Variants in GRM7 observed in about 807,000 individuals in gnomAD.
The protein encoded by GRM7 is glutamate metabotropic receptor 7.
Under a neutral mutation model 84.5 loss-of-function variants are expected in GRM7, and 35 were observed. The observed-to-expected ratio is 0.41, with a 90% confidence interval of 0.32 to 0.55. GRM7 has a LOEUF of 0.55. Among genes scored for constraint, GRM7 ranks in the 20% least tolerant of loss-of-function variants. The pLI, the probability that GRM7 is intolerant of heterozygous loss-of-function variation, is 0.19. For missense variants in GRM7, 1,003 were observed against 1,194.6 expected (o/e 0.84, Z 2.36); for synonymous variants, 487 against 455.1 (o/e 1.07, Z -0.89).
At chr3:7,069,029 A>G (rs954946729) in intron 1 of GRM7, among the ~76,000 whole-genome samples, 5 of 151,076 alleles carry the variant, frequency 3.3e-5, no homozygotes, top group East Asian at 1.9e-4. Flanking sequence ...GCTTGTTCTC[A>G]TTATATATAC....
intron 2 of GRM7, among the ~76,000 whole-genome samples, chr3:7,190,818 G>A (rs968207437): frequency 6.6e-6 from 1 of 152,042 alleles, no homozygotes; most frequent in Non-Finnish European, 1.5e-5. Flanking sequence ...AACAGCAGGT[G>A]CCCCTCTTGG....
intron 2 of GRM7, among the ~76,000 whole-genome samples, chr3:7,258,752 T>C (rs2124953295): frequency 6.6e-6 from 1 of 152,340 alleles, no homozygotes; most frequent in South Asian, 2.1e-4. Flanking sequence ...ATCATCTCCT[T>C]CTGATTTGTT....
At chr3:7,249,779 A>T (rs983789091) in intron 2 of GRM7, among the ~76,000 whole-genome samples, 2 of 152,174 alleles carry the variant, frequency 1.3e-5, no homozygotes, top group Non-Finnish European at 2.9e-5. Flanking sequence ...CATGTGAGAG[A>T]GACCAAAAAT....
chr3:7,600,296 C>T (rs1696252976), intron 8 of GRM7, among the ~76,000 whole-genome samples: 1 of 151,990 alleles, frequency 6.6e-6, no homozygotes, highest in Admixed American at 6.6e-5. Flanking sequence ...TTTTCTTTAT[C>T]ACAGAGAAAT....
chr3:6,877,834 C>T (rs1695369438), intron 1 of GRM7, among the ~76,000 whole-genome samples: 1 of 151,274 alleles, frequency 6.6e-6, no homozygotes, highest in Admixed American at 6.6e-5. Flanking sequence ...CACACACACA[C>T]ACACACACAC....
chr3:7,717,154 A>AT (rs1205416011), intron 9 of GRM7, among the ~76,000 whole-genome samples: 1 of 152,004 alleles, frequency 6.6e-6, no homozygotes, highest in Non-Finnish European at 1.5e-5. Flanking sequence ...CAAAATGGTG[A>AT]TTTTGACACA....
intron 8 of GRM7, among the ~76,000 whole-genome samples, chr3:7,653,717 A>T (rs1699058521): frequency 1.3e-5 from 2 of 152,340 alleles, no homozygotes; most frequent in Non-Finnish European, 2.9e-5. Context: ...CATGTTCCAA[A>T]GAAAGGCATT....
chr3:7,499,008 T>G (rs1486116292), intron 7 of GRM7, among the ~76,000 whole-genome samples: 1 of 152,104 alleles, frequency 6.6e-6, no homozygotes, highest in East Asian at 1.9e-4. Context: ...TGCCCTAAAT[T>G]TGGGAGTTGA....
rs1195921197 is a variant in GRM7 at position 7,741,006 on chromosome 3, T to G, written c.*600T>G. Reference sequence around the variant, plus strand: ...GATTATAGTACCACTGCACATCATGTTTTTTTTTTTAAGACAAAAAAGATG... The same window carrying G: ...GATTATAGTACCACTGCACATCATGGTTTTTTTTTTAAGACAAAAAAGATG... On this transcript the variant is annotated 3_prime_UTR_variant, in exon 10 of 10. Transcript: ENST00000357716. 2 of 93,438 alleles carry G rather than the reference T, an allele frequency of 2.1e-5. No homozygotes were observed. The highest frequency in any genetic ancestry group is 2.1e-4 in the East Asian group (1 of 4,822). The allele number at this position is 93,438 out of a possible 1,614,324, so 5.8% of individuals were successfully genotyped here. A position where few individuals can be genotyped will look rare whatever the true frequency, so the allele number is the denominator to read the frequency against.
chr3:6,948,137 A>G (rs1285296376), intron 1 of GRM7, among the ~76,000 whole-genome samples: 1 of 150,984 alleles, frequency 6.6e-6, no homozygotes, highest in African/African-American at 2.4e-5. Flanking sequence ...AGTTCTTTTA[A>G]TTGTGATGTT....
chr3:6,940,336 C>T (rs181386583), intron 1 of GRM7, among the ~76,000 whole-genome samples: 22 of 152,218 alleles, frequency 1.4e-4, no homozygotes, highest in African/African-American at 5.1e-4. Flanking sequence ...ATTATCTGCC[C>T]ATCTCGGCCT....
chr3:7,474,538 CATAA>C lies in GRM7; in HGVS notation c.1515+12819_1515+12822del, dbSNP rs539927299. 2.0e-5 allele frequency among the ~76,000 whole-genome samples: 3 copies of C among 151,958 alleles called. No individual in the cohort carries two copies. In the East Asian group the frequency reaches 5.8e-4, roughly 29 times the overall value. On this transcript the variant is annotated intron_variant, in intron 7 of 9. Transcript: ENST00000357716. ...CCTTGATCCCTCAGTTGTGCACATA[CATAA>C]ATGAGTCTCCCATTCCTGGAAACAA...
intron 2 of GRM7, among the ~76,000 whole-genome samples, chr3:7,161,262 A>T (rs1014021207): frequency 1.1e-4 from 17 of 151,984 alleles, no homozygotes; most frequent in African/African-American, 3.9e-4. Flanking sequence ...CGGTTCCCTT[A>T]ATCTCTACCC....
intron 2 of GRM7, among the ~76,000 whole-genome samples, chr3:7,289,025 G>A (rs1262668467): frequency 2.0e-5 from 3 of 152,114 alleles, no homozygotes; most frequent in Admixed American, 2.0e-4. Context: ...CTGAAGAAAT[G>A]AGAACCGTCA....
intron 8 of GRM7, among the ~76,000 whole-genome samples, chr3:7,594,216 T>TA (rs957833302): frequency 2.4e-4 from 37 of 152,272 alleles, no homozygotes; most frequent in Middle Eastern, 3.4e-3. Flanking sequence ...CTAGGCTTTT[T>TA]AAAAAAATCC....
Position 7,146,482 on chromosome 3 carries a change from C to T in GRM7, c.550C>T (p.Pro184Ser). ...CCAGATTAGTTATGCATCAACGGCA[C>T]CCGAGCTAAGTGATGACCGGCGCTA... ...IPQISYASTA[P>S]ELSDDRRYDF... is the part of the protein sequence containing the mutation. The change falls in exon 2 of 10, where the codon CCC becomes TCC. Residue 184 changes from proline (P) to serine (S), a missense_variant. By Grantham distance (74) the Pro-to-Ser change is moderately conservative (BLOSUM62 -1). Around this residue, in one of 2 missense-constraint regions of GRM7, gnomAD observed 910 missense variants for 1,126.0 expected, o/e 0.81. Transcript: ENST00000357716. 2 of 1,613,698 alleles carry T rather than the reference C, an allele frequency of 1.2e-6. No individual in the cohort carries two copies. The highest frequency in any genetic ancestry group is 1.7e-6 in the Non-Finnish European group (2 of 1,179,908).
chr3:7,035,769 A>G (rs773731592), intron 1 of GRM7, among the ~76,000 whole-genome samples: 57 of 152,280 alleles, frequency 3.7e-4, no homozygotes, highest in Middle Eastern at 6.8e-3. Context: ...TGTATCAAAG[A>G]TTTGGGGACA....
chr3:7,350,280 A>G (rs533093047), intron 4 of GRM7, among the ~76,000 whole-genome samples: 4 of 152,222 alleles, frequency 2.6e-5, no homozygotes, highest in East Asian at 3.9e-4. Context: ...TTCATGATCA[A>G]TTGTAATGCC....
chr3:6,958,747 G>A (rs528766499), intron 1 of GRM7, among the ~76,000 whole-genome samples: 2 of 152,144 alleles, frequency 1.3e-5, no homozygotes, highest in South Asian at 4.1e-4. Context: ...CATGACTTTG[G>A]ATTATAAGAG....
Sources: gnomAD v4.1 joint callset for allele counts (sites outside exome capture counted in the v4.1 genomes callset) on GRCh38, gnomAD v4.1.1 for gene constraint, gnomAD v4.1.1 regional missense constraint, MANE v1.5 for transcripts, NCBI Gene and HGNC (gene_info 2026-07-23, HGNC 2026-07-21) for gene names.